PKHD1L1: variants seen among roughly 807,000 people sequenced by gnomAD.
PKHD1L1 encodes the protein PKHD1 like 1, also known as fibrocystin-L.
Under a neutral mutation model 462.9 loss-of-function variants are expected in PKHD1L1, and 434 were observed. The ratio of observed to expected loss-of-function variants is 0.94; its 90% CI spans 0.87 to 1.02. The LOEUF is 1.02. Ranked by LOEUF, PKHD1L1 falls within the 50% of genes least tolerant of loss-of-function variation. The probability of loss-of-function intolerance (pLI) is 0.00; values close to 1 mark genes in which losing one functional copy is unlikely to be tolerated. For synonymous variants in PKHD1L1, 1,781 were observed against 1,750.0 expected (o/e 1.02, Z -0.44); for missense variants, 5,202 against 5,096.1 (o/e 1.02, Z -0.63).
At chr8:109,418,116 T>A (rs10107161) in intron 21 of PKHD1L1, among the ~76,000 whole-genome samples, 30 of 152,150 alleles carry the variant, frequency 2.0e-4, no homozygotes, top group African/African-American at 6.7e-4. Flanking sequence ...GATATCATTT[T>A]CAGTCTCCTT....
Position 109,480,143 on chromosome 8 carries a change from A to T in PKHD1L1, c.9327+4A>T. 1 of 1,551,652 alleles carries T rather than the reference A, an allele frequency of 6.4e-7. No homozygotes were observed. The highest frequency in any genetic ancestry group is 1.2e-5 in the South Asian group (1 of 81,246). ...TGCTACCTACATATCACTGCAGGTA[A>T]GAGTGAGGGCCTTGTAGTTTATATC... On this transcript the variant is annotated splice_donor_region_variant and intron_variant, in intron 55 of 77. Coordinates refer to ENST00000378402, the MANE Select transcript of PKHD1L1 (RefSeq NM_177531.6).
At chr8:109,479,876 T>G in intron 54 of PKHD1L1, 115 bp from the exon 55 acceptor site, 2 of 1,057,756 alleles carry the variant, frequency 1.9e-6, no homozygotes, top group Non-Finnish European at 2.7e-6. Flanking sequence ...AGGTATTATA[T>G]GAAAAGACAT....
At chr8:109,462,358 A>T (rs1817184302) in intron 48 of PKHD1L1, among the ~76,000 whole-genome samples, 1 of 152,124 alleles carries the variant, frequency 6.6e-6, no homozygotes, top group South Asian at 2.1e-4. Context: ...GCTTCATGGT[A>T]TACGTAAAAC....
chr8:109,511,455 T>C (rs1309478074), intron 71 of PKHD1L1, among the ~76,000 whole-genome samples: 46 of 150,902 alleles, frequency 3.0e-4, no homozygotes, highest in Non-Finnish European at 1.5e-5. Flanking sequence ...TTTGGTTTTT[T>C]GTTCTTGCGA....
At chr8:109,467,718 C>G (rs527879891) in intron 50 of PKHD1L1, among the ~76,000 whole-genome samples, 2 of 152,094 alleles carry the variant, frequency 1.3e-5, no homozygotes, top group African/African-American at 4.8e-5. Context: ...ATATACTGTT[C>G]TGAGGGACTG....
Position 109,494,081 on chromosome 8 carries a change from C to T in PKHD1L1, c.10327+330C>T, listed in dbSNP as rs182367327. Among the ~76,000 whole-genome samples, 40 of 152,018 alleles carry T rather than the reference C, an allele frequency of 2.6e-4. 1 individual carries two copies. Among genetic ancestry groups the T allele is most frequent in the South Asian group, 2.1e-4 (1 of 4,826 alleles). ...CACTTATTATAGAGATACATGTTGA[C>T]ATATGCCATTATTTTAACTTCTGCT... is the stretch of plus-strand genomic sequence containing the variant. On this transcript the variant is annotated intron_variant, in intron 63 of 77. Transcript: ENST00000378402.
At position 109,419,252 on chromosome 8, in the gene PKHD1L1, C is replaced by G; in HGVS notation, c.2516C>G (p.Thr839Arg). The change falls in exon 22 of 78, where the codon ACA becomes AGA. Residue 839 changes from threonine (T) to arginine (R), a missense_variant. Around this residue, in one of 3 missense-constraint regions of PKHD1L1, gnomAD observed 4,497 missense variants for 4,336.8 expected, o/e 1.04. Coordinates refer to ENST00000378402, the MANE Select transcript of PKHD1L1 (RefSeq NM_177531.6). ...ATTGGACACACATCTACAATCTCAACATTGGATGGTATGTTGTATCATTTT... is the reference window on the plus strand; with the variant it reads ...ATTGGACACACATCTACAATCTCAAGATTGGATGGTATGTTGTATCATTTT... ...VYIGHTSTIS[T>R]LDEMPKRRLP... is the part of the protein sequence containing the mutation. 6.3e-7 allele frequency: 1 copy of G among 1,597,976 alleles called. No individual in the cohort carries two copies. The highest frequency in any genetic ancestry group is 1.3e-5 in the African/African-American group (1 of 74,850).
chr8:109,375,739 G>C (rs936627757), intron 2 of PKHD1L1, among the ~76,000 whole-genome samples: 10 of 152,224 alleles, frequency 6.6e-5, no homozygotes, highest in African/African-American at 2.4e-4. Context: ...CTCAGCTACA[G>C]GTCTGTTGGC....
intron 52 of PKHD1L1, among the ~76,000 whole-genome samples, chr8:109,476,877 A>G (rs1436580052): frequency 1.3e-5 from 2 of 152,212 alleles, no homozygotes; most frequent in African/African-American, 4.8e-5. Flanking sequence ...AGGTGACACC[A>G]GCATGCTTGC....
chr8:109,393,024 A>G (rs1411396228), intron 9 of PKHD1L1, among the ~76,000 whole-genome samples: 1 of 152,196 alleles, frequency 6.6e-6, no homozygotes, highest in African/African-American at 2.4e-5. Context: ...TTCAGGAGGC[A>G]ATTTCCCCAC....
intron 73 of PKHD1L1, among the ~76,000 whole-genome samples, chr8:109,520,386 A>G (rs1214441924): frequency 1.3e-5 from 2 of 152,116 alleles, no homozygotes; most frequent in African/African-American, 2.4e-5. Flanking sequence ...CACACTAGCC[A>G]CTAGATATCC....
rs911074796 is a variant in PKHD1L1, at chr8:109,444,989, A to T, written c.5120A>T (p.Tyr1707Phe). 2.8e-5 allele frequency: 45 copies of T among 1,614,004 alleles called. No homozygotes were observed. The highest frequency in any genetic ancestry group is 3.6e-5 in the Non-Finnish European group (42 of 1,179,874). The change falls in exon 38 of 78, where the codon TAT (tyrosine) becomes TTT (phenylalanine). Residue 1707 changes from tyrosine to phenylalanine, a missense_variant. Tyr to Phe is a conservative substitution (Grantham distance 22, BLOSUM62 3). This residue lies in a region of PKHD1L1 where 4,497 missense variants were observed against 4,336.8 expected (regional missense o/e 1.04). Coordinates refer to ENST00000378402, the MANE Select transcript of PKHD1L1 (RefSeq NM_177531.6). ...CCATGTAAAGTTCTATCAGTGAATT[A>T]TACGGCCATTGAATGTGAAACATCC... ...HFPCKVLSVN[Y>F]TAIECETSPA... is the part of the protein sequence containing the mutation.
chr8:109,449,218 A>G, intron 39 of PKHD1L1, 120 bp from the exon 40 acceptor site: 2 of 1,007,284 alleles, frequency 2.0e-6, no homozygotes, highest in Non-Finnish European at 1.4e-6. Context: ...TTTCAGTTCT[A>G]AAAAACTCTT....
At chr8:109,401,975 T>A (rs73317499) in intron 14 of PKHD1L1, among the ~76,000 whole-genome samples, 4,952 of 152,266 alleles carry the variant, frequency 0.033, 283 homozygotes, top group African/African-American at 0.11. Flanking sequence ...ACTTTTAATA[T>A]GTATTTGTTA....
rs1245762084 is a variant in PKHD1L1 at position 109,445,773 on chromosome 8, C to A, written c.5776+128C>A. 33 of 996,734 alleles carry A rather than the reference C, an allele frequency of 3.3e-5. No homozygotes were observed. The East Asian group carries it at 6.8e-4, about 21-fold the overall frequency. The allele number at this position is 996,734 out of a possible 1,614,324, so 61.7% of individuals were successfully genotyped here. A position where few individuals can be genotyped will look rare whatever the true frequency, so the allele number is the denominator to read the frequency against. ...TAAATGTTCCCACTTACACTTAATA[C>A]CTGGGATTCAAGCTCTGTGTAGTCT... On this transcript the variant is annotated intron_variant, in intron 38 of 77. Transcript: ENST00000378402.
Position 109,382,554 on chromosome 8 carries a change from T to A in PKHD1L1, c.400T>A (p.Trp134Arg). ...CACCTGCAAAGGTCACATCAACAGC[T>A]GGGAATGTACCTTCAACGTATGTAG... The part of the protein sequence containing the change: ...NNTCKGHINS[W>R]ECTFNAKSFR... Residue 134 changes from tryptophan to arginine, a missense_variant, in exon 4 of 78, where the codon TGG becomes AGG. Transcript: ENST00000378402. The A allele has an allele frequency of 1.2e-6, 2 of 1,611,154 alleles. No homozygotes were observed. Among genetic ancestry groups the A allele is most frequent in the Non-Finnish European group, 1.7e-6 (2 of 1,178,356 alleles).
At chr8:109,494,352 T>G (rs1000680820) in intron 63 of PKHD1L1, among the ~76,000 whole-genome samples, 3 of 151,936 alleles carry the variant, frequency 2.0e-5, no homozygotes, top group African/African-American at 4.8e-5. Context: ...CAAAATCACA[T>G]GTGCGTTTAC....
rs1294481044 is a variant in PKHD1L1 at position 109,442,023 on chromosome 8, T to C, written c.4221T>C (p.Tyr1407=). Residue 1407 remains tyrosine, a synonymous_variant, in exon 35 of 78, where the codon TAT becomes TAC. Transcript: ENST00000378402. ...TGCCCCCAGTACATGGATTAGGTTA[T>C]GCCTGGTCACCACCAGTCCTAAATG... ...NGKDSVHGLG[Y]AWSPPVLNVS... is the part of the protein sequence containing the mutation. 3 of 1,608,498 alleles carry C rather than the reference T, an allele frequency of 1.9e-6. No homozygotes were observed. Among genetic ancestry groups the C allele is most frequent in the Non-Finnish European group, 2.5e-6 (3 of 1,177,858 alleles).
At chr8:109,388,320 A>G (rs1016933090) in intron 6 of PKHD1L1, among the ~76,000 whole-genome samples, 177 bp from the exon 7 acceptor site, 1 of 152,208 alleles carries the variant, frequency 6.6e-6, no homozygotes, top group African/African-American at 2.4e-5. Flanking sequence ...TACCTAGAAC[A>G]GGGACTGCCA....
Sources: allele counts gnomAD v4.1 joint callset (sites outside exome capture counted in the v4.1 genomes callset), GRCh38; gene constraint gnomAD v4.1.1; regional missense constraint gnomAD v4.1.1; transcripts MANE v1.5; gene names NCBI Gene and HGNC (gene_info 2026-07-23, HGNC 2026-07-21).